Variants in SLC24A2 observed in about 807,000 individuals in gnomAD.
SLC24A2 encodes the protein solute carrier family 24 member 2, also known as sodium/potassium/calcium exchanger 2.
A neutral mutation model predicts 62.0 loss-of-function variants in SLC24A2; 36 were observed. That is an observed-to-expected ratio of 0.58 (90% CI 0.44 to 0.77). The LOEUF is 0.77. Ranked by LOEUF, SLC24A2 falls within the 30% of genes least tolerant of loss-of-function variation. The pLI is 0.00. For synonymous variants in SLC24A2, 358 were observed against 294.0 expected (o/e 1.22, Z -2.23); for missense variants, 846 against 817.9 (o/e 1.03, Z -0.42).
At chr9:19,606,907 G>A (rs116294393) in intron 4 of SLC24A2, among the ~76,000 whole-genome samples, 2,345 of 152,276 alleles carry the variant, frequency 0.015, 50 homozygotes, top group African/African-American at 0.051. Flanking sequence ...AGCCAGTTGA[G>A]GATTGAGTTT....
the SLC24A2 span, among the ~76,000 whole-genome samples, chr9:20,237,806 T>C: frequency 6.6e-6 from 1 of 152,154 alleles, no homozygotes; most frequent in Non-Finnish European, 1.5e-5. Context: ...GAGTCCTCCT[T>C]GCCCTCTAGA....
Position 19,788,914 on chromosome 9 carries a change from C to T in SLC24A2, c.-183G>A, listed in dbSNP as rs1326675345. 1.0e-6 allele frequency: 1 copy of T among 984,996 alleles called. No individual in the cohort carries two copies. The highest frequency in any genetic ancestry group is 1.2e-6 in the Non-Finnish European group (1 of 829,686). 61.0% of individuals were successfully genotyped at this position (984,996 alleles called of 1,614,324 possible). A position where few individuals can be genotyped will look rare whatever the true frequency, so the allele number is the denominator to read the frequency against. On this transcript the variant is annotated 5_prime_UTR_variant, in exon 1 of 11. Transcript: ENST00000341998. ...ATAAGATGGGAGGACGCGCACACGGCGGGGCCCCCGAGCGCGGCCCGCCGC... is the reference window on the plus strand; with the variant it reads ...ATAAGATGGGAGGACGCGCACACGGTGGGGCCCCCGAGCGCGGCCCGCCGC...
chr9:20,030,367 A>G, the SLC24A2 span, among the ~76,000 whole-genome samples: 1 of 152,348 alleles, frequency 6.6e-6, no homozygotes, highest in South Asian at 2.1e-4. Context: ...GGGAAGTCAT[A>G]TCTGAGGTCT....
chr9:19,968,659 G>A, the SLC24A2 span, among the ~76,000 whole-genome samples: 1 of 152,126 alleles, frequency 6.6e-6, no homozygotes, highest in African/African-American at 2.4e-5. Flanking sequence ...AGAAGTTAAG[G>A]ACTTCACCCA....
At chr9:20,275,402 A>C in the SLC24A2 span, among the ~76,000 whole-genome samples, 22 of 152,318 alleles carry the variant, frequency 1.4e-4, no homozygotes, top group Non-Finnish European at 1.5e-4. Flanking sequence ...TTTTTTTGTG[A>C]AAATGTGTAT....
intron 2 of SLC24A2, among the ~76,000 whole-genome samples, chr9:19,661,782 A>G (rs1819109129): frequency 6.6e-6 from 1 of 152,160 alleles, no homozygotes; most frequent in African/African-American, 2.4e-5. Flanking sequence ...CTCTGTTGTA[A>G]TTTTCCATCG....
chr9:19,656,378 G>A (rs1233423602), intron 2 of SLC24A2, among the ~76,000 whole-genome samples: 1 of 152,166 alleles, frequency 6.6e-6, no homozygotes, highest in Non-Finnish European at 1.5e-5. Context: ...TACAACCTAT[G>A]TGACTCATTT....
the SLC24A2 span, among the ~76,000 whole-genome samples, chr9:19,811,115 A>T: frequency 1.3e-5 from 2 of 152,208 alleles, no homozygotes; most frequent in Non-Finnish European, 2.9e-5. Flanking sequence ...TAATTAGGAC[A>T]TGAGGGGGAA....
intron 2 of SLC24A2, among the ~76,000 whole-genome samples, chr9:19,729,162 C>T (rs571119894): frequency 3.3e-5 from 5 of 152,192 alleles, no homozygotes; most frequent in African/African-American, 9.6e-5. Context: ...ATCAGGGAAA[C>T]GCAGATCAAA....
intron 2 of SLC24A2, among the ~76,000 whole-genome samples, chr9:19,748,864 A>C (rs539992744): frequency 6.6e-6 from 1 of 151,998 alleles, no homozygotes; most frequent in African/African-American, 2.4e-5. Context: ...CTTTGTTTCA[A>C]ATGGAGACAG....
the SLC24A2 span, among the ~76,000 whole-genome samples, chr9:20,265,346 C>T: frequency 7.2e-5 from 11 of 152,152 alleles, no homozygotes; most frequent in South Asian, 2.1e-4. Flanking sequence ...GGACCCCAAA[C>T]GGAGGGACCA....
chr9:19,574,895 G>A (rs1835961732), intron 6 of SLC24A2, among the ~76,000 whole-genome samples: 1 of 152,134 alleles, frequency 6.6e-6, no homozygotes, highest in South Asian at 2.1e-4. Context: ...AGGGTTTCTG[G>A]GGGTATCAGA....
the SLC24A2 span, among the ~76,000 whole-genome samples, chr9:19,964,399 C>A: frequency 6.6e-6 from 1 of 151,990 alleles, no homozygotes; most frequent in Non-Finnish European, 1.5e-5. Context: ...AAAGGAGTTG[C>A]AGTCAAGTGG....
At chr9:20,171,478 A>C in the SLC24A2 span, among the ~76,000 whole-genome samples, 1 of 152,040 alleles carries the variant, frequency 6.6e-6, no homozygotes, top group South Asian at 2.1e-4. Context: ...AGACTCACCG[A>C]ACACATAAGG....
chr9:20,200,020 C>T, the SLC24A2 span, among the ~76,000 whole-genome samples: 2 of 151,570 alleles, frequency 1.3e-5, no homozygotes, highest in African/African-American at 2.4e-5. Flanking sequence ...CGTGAGACAC[C>T]GCGACCAGCT....
the SLC24A2 span, among the ~76,000 whole-genome samples, chr9:19,981,598 A>G: frequency 6.6e-6 from 1 of 152,164 alleles, no homozygotes; most frequent in African/African-American, 2.4e-5. Context: ...ATAACAAACA[A>G]TTCCCACATG....
At chr9:20,162,934 T>G in the SLC24A2 span, among the ~76,000 whole-genome samples, 2 of 152,140 alleles carry the variant, frequency 1.3e-5, no homozygotes, top group African/African-American at 4.8e-5. Flanking sequence ...TTAACAACTC[T>G]TCATGATAAA....
At chr9:20,179,510 C>T in the SLC24A2 span, among the ~76,000 whole-genome samples, 1 of 152,134 alleles carries the variant, frequency 6.6e-6, no homozygotes, top group African/African-American at 2.4e-5. Context: ...ATTTCATCAC[C>T]AGCAGAGACT....
chr9:19,963,153 C>T, the SLC24A2 span, among the ~76,000 whole-genome samples: 1 of 145,748 alleles, frequency 6.9e-6, no homozygotes, highest in Non-Finnish European at 1.5e-5. Flanking sequence ...GCTGGGAAAA[C>T]TGGCTAGCCA....
Sources: gnomAD v4.1 joint callset for allele counts (sites outside exome capture counted in the v4.1 genomes callset) on GRCh38, gnomAD v4.1.1 for gene constraint, MANE v1.5 for transcripts, NCBI Gene and HGNC (gene_info 2026-07-23, HGNC 2026-07-21) for gene names.